Variants in VPS53 observed in about 807,000 individuals in gnomAD.
The protein encoded by VPS53 is VPS53 subunit of GARP complex.
A neutral mutation model predicts 107.0 loss-of-function variants in VPS53; 70 were observed. The observed-to-expected ratio is 0.65, with a 90% CI of 0.54 to 0.80. VPS53 has a LOEUF of 0.80. Ranked by LOEUF, VPS53 falls within the 30% of genes least tolerant of loss-of-function variation. VPS53 has a pLI of 0.00. For synonymous variants in VPS53, 409 were observed against 393.3 expected, an observed-to-expected ratio of 1.04 and a Z score of -0.47; for missense variants, 917 against 1,049.4, an observed-to-expected ratio of 0.87 and a Z score of 1.74.
At chr17:693,515 AGTTCAAGACCAGCCCGG>A (rs1203495638) in intron 4 of VPS53, among the ~76,000 whole-genome samples, 4 of 152,178 alleles carry the variant, frequency 2.6e-5, no homozygotes, top group Non-Finnish European at 5.9e-5. Flanking sequence ...TCAGGCCAGG[AGTTCAAGACCAGCCCGG>A]GCAACACAGC....
chr17:593,704 G>A (rs996372059), intron 12 of VPS53, among the ~76,000 whole-genome samples: 1 of 152,202 alleles, frequency 6.6e-6, no homozygotes, highest in Non-Finnish European at 1.5e-5. Context: ...CTTTTACACT[G>A]TTGGTGGGAC....
intron 11 of VPS53, among the ~76,000 whole-genome samples, chr17:613,461 T>A (rs1968990133): frequency 6.6e-6 from 1 of 151,470 alleles, no homozygotes; most frequent in Admixed American, 6.6e-5. Flanking sequence ...ATTCACACAG[T>A]GAAAACCTGT....
rs547937376 is a variant in VPS53 at position 563,538 on chromosome 17, C to A, written c.1314-793G>T. Among the ~76,000 whole-genome samples the A allele has an allele frequency of 2.8e-4, 43 of 152,288 alleles. 1 individual carries two copies. The South Asian group carries it at 6.6e-3, about 24-fold the overall frequency. ...CGACATCCTGACCTCAGGTGATCCA[C>A]CCACCTTGGCCTCCCAAAGTGCTGG... On this transcript the variant is annotated intron_variant, in intron 13 of 21. Transcript: ENST00000437048.
chr17:705,116 C>T (rs1490117381), intron 2 of VPS53, among the ~76,000 whole-genome samples: 1 of 152,154 alleles, frequency 6.6e-6, no homozygotes, highest in Non-Finnish European at 1.5e-5. Flanking sequence ...TACCCAACAA[C>T]TTATTTCCAC....
At chr17:543,425 G>T (rs1377896659) in intron 17 of VPS53, among the ~76,000 whole-genome samples, 1 of 152,052 alleles carries the variant, frequency 6.6e-6, no homozygotes, top group Non-Finnish European at 1.5e-5. Context: ...TTCAGTTTCT[G>T]TTTTTTCCTA....
In VPS53 at chr17:610,245, G is replaced by A. The variant is rs16953931; in HGVS notation, c.1117-8349C>T. On this transcript the variant is annotated intron_variant, in intron 11 of 21. Coordinates refer to ENST00000437048, the MANE Select transcript of VPS53 (RefSeq NM_001128159.3). ...AGTGAGAAAAAACTAAGGGTCCTACGAGAAAAGAATAATTAGGGGAATCAC... is the reference window on the plus strand; with the variant it reads ...AGTGAGAAAAAACTAAGGGTCCTACAAGAAAAGAATAATTAGGGGAATCAC... Among the ~76,000 whole-genome samples, 844 of 151,958 alleles carry A rather than the reference G, an allele frequency of 5.6e-3. 9 individuals carry two copies. Among genetic ancestry groups the A allele is most frequent in the African/African-American group, 0.018 (765 of 41,394 alleles).
intron 10 of VPS53, among the ~76,000 whole-genome samples, chr17:624,832 TCTCAA>T (rs1969621173): frequency 2.6e-5 from 4 of 152,160 alleles, no homozygotes; most frequent in Admixed American, 2.0e-4. Flanking sequence ...AAGGTGACAA[TCTCAA>T]CTCATCTTAA....
At position 547,834 on chromosome 17, in the gene VPS53, C is replaced by T. The variant is rs553135192; in HGVS notation, c.1866+4038G>A. On this transcript the variant is annotated intron_variant, in intron 17 of 21. Transcript: ENST00000437048. ...TTGTGTTTTTAATAGAGACAGGGTC[C>T]CACCATGCTGGCCTCGAACTCCTAA... Among the ~76,000 whole-genome samples the T allele has an allele frequency of 8.5e-5, 13 of 152,068 alleles. No homozygotes were observed. The South Asian group carries it at 2.7e-3, about 32-fold the overall frequency.
intron 4 of VPS53, among the ~76,000 whole-genome samples, chr17:694,680 T>C (rs773308030): frequency 3.9e-5 from 6 of 152,248 alleles, no homozygotes; most frequent in East Asian, 1.9e-4. Flanking sequence ...ATGATGTTTT[T>C]ATGATAAAAT....
At chr17:705,359 C>G (rs1389210046) in intron 2 of VPS53, among the ~76,000 whole-genome samples, 2 of 151,682 alleles carry the variant, frequency 1.3e-5, no homozygotes, top group Non-Finnish European at 2.9e-5. Context: ...GAGGCTGAGG[C>G]AGGAGGGTGG....
chr17:651,546 C>T (rs1212939855), intron 7 of VPS53, among the ~76,000 whole-genome samples: 1 of 152,108 alleles, frequency 6.6e-6, no homozygotes, highest in Non-Finnish European at 1.5e-5. Flanking sequence ...AGCAGTAATT[C>T]TGCCACTACA....
At chr17:667,561 G>T (rs1489453605) in intron 4 of VPS53, among the ~76,000 whole-genome samples, 3 of 92,794 alleles carry the variant, frequency 3.2e-5, no homozygotes, top group African/African-American at 4.7e-5. Flanking sequence ...GGGGGCAATG[G>T]GTTAATTACA....
intron 10 of VPS53, 125 bp from the exon 11 acceptor site, chr17:623,799 T>C (rs1485936884): frequency 1.9e-6 from 2 of 1,043,788 alleles, no homozygotes; most frequent in African/African-American, 1.6e-5. Flanking sequence ...AACCCTGAGG[T>C]CTGTTACCAC....
At chr17:604,863 C>T (rs1968491581) in intron 11 of VPS53, among the ~76,000 whole-genome samples, 1 of 152,200 alleles carries the variant, frequency 6.6e-6, no homozygotes, top group Non-Finnish European at 1.5e-5. Flanking sequence ...CTTCCCTCAT[C>T]CACTCAACAA....
chr17:703,978 G>C (rs185485553), intron 2 of VPS53, among the ~76,000 whole-genome samples: 1 of 151,962 alleles, frequency 6.6e-6, no homozygotes, highest in East Asian at 1.9e-4. Context: ...CCATGAGCTG[G>C]ATCTTGGGTT....
At chr17:678,012 T>C (rs992427652) in intron 4 of VPS53, among the ~76,000 whole-genome samples, 3 of 152,096 alleles carry the variant, frequency 2.0e-5, no homozygotes, top group African/African-American at 7.2e-5. Context: ...TCCCAGCTAC[T>C]CAGGAGGCTG....
intron 14 of VPS53, among the ~76,000 whole-genome samples, chr17:561,134 G>T (rs1457492839): frequency 1.3e-5 from 2 of 152,198 alleles, no homozygotes; most frequent in Non-Finnish European, 2.9e-5. Flanking sequence ...GTCTGCAAGG[G>T]GACTCATGTG....
chr17:683,100 T>C (rs1384152560), intron 4 of VPS53, among the ~76,000 whole-genome samples: 2 of 151,866 alleles, frequency 1.3e-5, no homozygotes, highest in Non-Finnish European at 2.9e-5. Flanking sequence ...CAATAGAAAG[T>C]ACCCAAACTG....
At chr17:657,458 A>C in intron 5 of VPS53, 1 of 1,192,688 alleles carries the variant, frequency 8.4e-7, no homozygotes, top group East Asian at 2.3e-5. Context: ...TGGTGGACGG[A>C]CGAGGAGCAA....
Sources: gnomAD v4.1 joint callset for allele counts (sites outside exome capture counted in the v4.1 genomes callset) on GRCh38, gnomAD v4.1.1 for gene constraint, MANE v1.5 for transcripts, NCBI Gene and HGNC (gene_info 2026-07-23, HGNC 2026-07-21) for gene names.